Variants in WDR25 observed in about 807,000 individuals in gnomAD.
WDR25 encodes the protein WD repeat-containing protein 25.
In WDR25, 35 loss-of-function variants were observed where a neutral mutation model predicts 47.7. The ratio of observed to expected loss-of-function variants is 0.73; its 90% CI spans 0.56 to 0.97. The LOEUF (loss-of-function observed/expected upper bound fraction) is 0.97, where lower values mean the gene tolerates loss of function less well. Ranked by LOEUF, WDR25 falls within the 50% of genes least tolerant of loss-of-function variation. The pLI is 0.00. For missense variants in WDR25, 634 were observed against 704.7 expected, an observed-to-expected ratio of 0.90 and a Z score of 1.14; for synonymous variants, 248 against 278.9, an observed-to-expected ratio of 0.89 and a Z score of 1.10.
chr14:100,395,049 C>T (rs971178595), intron 2 of WDR25, among the ~76,000 whole-genome samples: 3 of 152,108 alleles, frequency 2.0e-5, no homozygotes, highest in Admixed American at 6.5e-5. Flanking sequence ...TGCTGTGGGG[C>T]GGGGACAGTG....
At chr14:100,475,089 A>T (rs1899973414) in intron 3 of WDR25, among the ~76,000 whole-genome samples, 1 of 152,262 alleles carries the variant, frequency 6.6e-6, no homozygotes, top group African/African-American at 2.4e-5. Context: ...CCACAATGAG[A>T]TATCACCTCA....
chr14:100,456,868 C>A (rs1350101492), intron 2 of WDR25, among the ~76,000 whole-genome samples: 1 of 152,120 alleles, frequency 6.6e-6, no homozygotes, highest in African/African-American at 2.4e-5. Context: ...AATCATAAAC[C>A]CATAGATTCA....
chr14:100,470,985 G>A (rs1899811522), intron 3 of WDR25, among the ~76,000 whole-genome samples: 3 of 152,300 alleles, frequency 2.0e-5, no homozygotes, highest in Admixed American at 1.3e-4. Context: ...TGAAGGCCCC[G>A]TTTCGTTCAC....
chr14:100,527,264 A>G (rs1240026647), intron 5 of WDR25, among the ~76,000 whole-genome samples: 1 of 150,736 alleles, frequency 6.6e-6, no homozygotes, highest in African/African-American at 2.4e-5. Flanking sequence ...TCACACCACC[A>G]TCACCACCGT....
rs1898135295 is a variant in WDR25 at position 100,425,267 on chromosome 14, A to C, written c.823-42754A>C. Among the ~76,000 whole-genome samples, 1 of 152,088 alleles carries C rather than the reference A, an allele frequency of 6.6e-6. No homozygotes were observed. The highest frequency in any genetic ancestry group is 1.5e-5 in the Non-Finnish European group (1 of 68,024). On this transcript the variant is annotated intron_variant, in intron 2 of 6. Transcript: ENST00000402312. The surrounding 1 kb of genome is among the most constrained non-coding windows in gnomAD (Gnocchi z 4.8). ...CCATCCTACCTCCCTTAATGTGCAC[A>C]TCCTGTCACCCCATGGGCCTAAGCT...
chr14:100,519,624 T>C (rs1440803231), intron 4 of WDR25, among the ~76,000 whole-genome samples: 1 of 149,114 alleles, frequency 6.7e-6, no homozygotes, highest in Admixed American at 6.7e-5. Context: ...TCTATATCTA[T>C]ATATAGTCTT....
chr14:100,469,601 G>C (rs962407073), intron 3 of WDR25, among the ~76,000 whole-genome samples: 1 of 152,142 alleles, frequency 6.6e-6, no homozygotes, highest in African/African-American at 2.4e-5. Context: ...GCACTTCCCT[G>C]GTCTTACTGA....
At chr14:100,422,808 A>G (rs576641126) in intron 2 of WDR25, among the ~76,000 whole-genome samples, 2 of 152,340 alleles carry the variant, frequency 1.3e-5, no homozygotes, top group South Asian at 4.1e-4. Context: ...CCCACTGGCG[A>G]GGCCAGGCCC....
At chr14:100,486,902 T>C (rs1018061418) in intron 4 of WDR25, among the ~76,000 whole-genome samples, 1 of 152,088 alleles carries the variant, frequency 6.6e-6, no homozygotes, top group Non-Finnish European at 1.5e-5. Flanking sequence ...ATGATAACAT[T>C]GGGAAATTCA....
intron 2 of WDR25, among the ~76,000 whole-genome samples, chr14:100,432,141 G>T (rs764839808): frequency 6.6e-6 from 1 of 152,144 alleles, no homozygotes; most frequent in African/African-American, 2.4e-5. Flanking sequence ...TTATGACAAT[G>T]GTTGAAATAG....
At position 100,473,560 on chromosome 14, in the gene WDR25, TG is replaced by T. The variant is rs1899917050; in HGVS notation, c.970+5396del. Among the ~76,000 whole-genome samples the T allele has an allele frequency of 3.3e-5, 5 of 152,290 alleles. No homozygotes were observed. The South Asian group carries it at 1.0e-3, about 32-fold the overall frequency. ...GGGAAGAAGGAGTGCTCCAGACTCA[TG>T]GGGACTGATCCCTCTGATTAAGTGG... On this transcript the variant is annotated intron_variant, in intron 3 of 6. Coordinates refer to ENST00000402312, the MANE Select transcript of WDR25 (RefSeq NM_001161476.3).
intron 2 of WDR25, among the ~76,000 whole-genome samples, chr14:100,433,191 T>C (rs1473933789): frequency 6.6e-6 from 1 of 152,262 alleles, no homozygotes; most frequent in East Asian, 1.9e-4. Context: ...ATGTGTTCCC[T>C]TCATCATTCT....
At chr14:100,503,520 C>T (rs1901011359) in intron 4 of WDR25, among the ~76,000 whole-genome samples, 1 of 152,166 alleles carries the variant, frequency 6.6e-6, no homozygotes. Context: ...TAAGCTGGAT[C>T]TCAGCTGCAG....
At chr14:100,491,701 C>T (rs1338693998) in intron 4 of WDR25, among the ~76,000 whole-genome samples, 3 of 152,244 alleles carry the variant, frequency 2.0e-5, no homozygotes, top group South Asian at 2.1e-4. Flanking sequence ...GAGGGCTGTG[C>T]GTTTTGTTCT....
intron 2 of WDR25, among the ~76,000 whole-genome samples, chr14:100,393,368 A>T (rs1897185156): frequency 6.6e-6 from 1 of 152,254 alleles, no homozygotes; most frequent in African/African-American, 2.4e-5. Flanking sequence ...TTTGCTTAGA[A>T]AAGTTGTTTG....
chr14:100,483,330 C>T (rs897054356), intron 3 of WDR25, among the ~76,000 whole-genome samples: 18 of 152,178 alleles, frequency 1.2e-4, no homozygotes, highest in Admixed American at 6.5e-4. Context: ...TGCTTGACAA[C>T]AGTTTATGAT....
In WDR25 at chr14:100,500,545, C is replaced by A. The variant is rs1183169200; in HGVS notation, c.1101+16421C>A. Among the ~76,000 whole-genome samples the A allele has an allele frequency of 6.6e-6, 1 of 152,192 alleles. No individual in the cohort carries two copies. Among genetic ancestry groups the A allele is most frequent in the Non-Finnish European group, 1.5e-5 (1 of 68,040 alleles). On this transcript the variant is annotated intron_variant, in intron 4 of 6. Coordinates refer to ENST00000402312, the MANE Select transcript of WDR25 (RefSeq NM_001161476.3). The surrounding 1 kb of genome is among the most constrained non-coding windows in gnomAD (Gnocchi z 4.7). ...CCCTGTGCCTCATTAGAGAGATAGA[C>A]CCCTCCCCTCAGTGCCCTAGTTAGT...
intron 2 of WDR25, among the ~76,000 whole-genome samples, chr14:100,438,303 T>C (rs1898561827): frequency 6.6e-6 from 1 of 152,256 alleles, no homozygotes; most frequent in Non-Finnish European, 1.5e-5. Context: ...ACAACAGCTT[T>C]CAGCCCAATG....
At chr14:100,421,396 C>G (rs1452304523) in intron 2 of WDR25, among the ~76,000 whole-genome samples, 1 of 152,126 alleles carries the variant, frequency 6.6e-6, no homozygotes, top group Non-Finnish European at 1.5e-5. Flanking sequence ...ACAGTCGTGG[C>G]CTTTGGGAAG....
Sources: gnomAD v4.1 joint callset for allele counts (sites outside exome capture counted in the v4.1 genomes callset) on GRCh38, gnomAD v4.1.1 for gene constraint, Gnocchi (gnomAD v3.1) non-coding constraint, MANE v1.5 for transcripts, NCBI Gene and HGNC (gene_info 2026-07-23, HGNC 2026-07-21) for gene names.